Variants in HPN observed in about 807,000 individuals in gnomAD.
HPN encodes serine protease hepsin.
Under a neutral mutation model 55.9 loss-of-function variants are expected in HPN, and 13 were observed. The observed-to-expected ratio is 0.23, with a 90% CI of 0.15 to 0.37. HPN has a LOEUF of 0.37. Ranked by LOEUF, HPN falls within the 10% of genes least tolerant of loss-of-function variation. The pLI, the probability that HPN is intolerant of heterozygous loss-of-function variation, is 1.00. For missense variants in HPN, 451 were observed against 575.8 expected (o/e 0.78, Z 2.22); for synonymous variants, 225 against 240.3 (o/e 0.94, Z 0.59).
chr19:35,059,814 C>T lies in HPN; in HGVS notation c.290+12C>T, dbSNP rs1398267866. Reference sequence around the variant, plus strand: ...ATGGGCTTCCTCAGGTACTGGGGGCCCTCGGAGGGGTGGGAGCCGGGAGGG... The same window carrying T: ...ATGGGCTTCCTCAGGTACTGGGGGCTCTCGGAGGGGTGGGAGCCGGGAGGG... On this transcript the variant is annotated intron_variant, in intron 5 of 12. Coordinates refer to ENST00000672452, the MANE Select transcript of HPN (RefSeq NM_001384133.1). 6.4e-7 allele frequency: 1 copy of T among 1,552,244 alleles called. No homozygotes were observed. The highest frequency in any genetic ancestry group is 8.7e-7 in the Non-Finnish European group (1 of 1,147,584).
intron 4 of HPN, among the ~76,000 whole-genome samples, chr19:35,050,226 G>A (rs1373433477): frequency 2.0e-5 from 3 of 152,164 alleles, no homozygotes; most frequent in Non-Finnish European, 4.4e-5. Context: ...AGGTTCAAGC[G>A]ATTCTCCTGC....
intron 4 of HPN, among the ~76,000 whole-genome samples, chr19:35,055,440 C>CA (rs1309477950): frequency 2.6e-5 from 4 of 151,638 alleles, no homozygotes; most frequent in African/African-American, 4.8e-5. Flanking sequence ...AAGGAAAGGA[C>CA]AAAGAGGTTC....
At position 35,065,701 on chromosome 19, in the gene HPN, C is replaced by G; in HGVS notation, c.1050+20C>G. ...TGCCAGGTGAGGGACTCTGTAGGGG[C>G]AGCCCCCTGGTCGCTGCCACCCCAG... On this transcript the variant is annotated intron_variant, in intron 11 of 12. Coordinates refer to ENST00000672452, the MANE Select transcript of HPN (RefSeq NM_001384133.1). The G allele has an allele frequency of 6.2e-7, 1 of 1,613,488 alleles. No homozygotes were observed. The highest frequency in any genetic ancestry group is 1.1e-5 in the South Asian group (1 of 91,066).
chr19:35,046,233 C>T (rs564776413), intron 2 of HPN, among the ~76,000 whole-genome samples: 1 of 151,562 alleles, frequency 6.6e-6, no homozygotes, highest in African/African-American at 2.4e-5. Flanking sequence ...TTGATGGGAG[C>T]CACTGAGCTT....
Position 35,066,383 on chromosome 19 carries a change from C to T in HPN, c.*96C>T. 6.7e-7 allele frequency: 1 copy of T among 1,498,768 alleles called. No homozygotes were observed. Among genetic ancestry groups the T allele is most frequent in the Non-Finnish European group, 9.0e-7 (1 of 1,112,426 alleles). 92.8% of individuals were successfully genotyped at this position (1,498,768 alleles called of 1,614,324 possible). On this transcript the variant is annotated 3_prime_UTR_variant, in exon 13 of 13. Transcript: ENST00000672452. ...GGATGGGACGTTTTTCTTCTTGGGC[C>T]CGGTCCACAGGTCCAAGGACACCCT...
intron 4 of HPN, among the ~76,000 whole-genome samples, chr19:35,053,215 T>C (rs556918743): frequency 6.6e-6 from 1 of 152,224 alleles, no homozygotes; most frequent in East Asian, 1.9e-4. Flanking sequence ...TTTGATGTTC[T>C]CTCCCCACTC....
In HPN at chr19:35,053,681, G is replaced by T. The variant is rs1330968187; in HGVS notation, c.160+4165G>T. Among the ~76,000 whole-genome samples, 5 of 152,332 alleles carry T rather than the reference G, an allele frequency of 3.3e-5. No homozygotes were observed. The East Asian group carries it at 7.7e-4, about 24-fold the overall frequency. ...AATCGCTTGAACTCAGGAGGCAGAG[G>T]TTGCAGTGAGCTGAGATCGTGCCAC... On this transcript the variant is annotated intron_variant, in intron 4 of 12. Transcript: ENST00000672452.
At chr19:35,045,639 T>C (rs750492115) in intron 2 of HPN, among the ~76,000 whole-genome samples, 36 of 151,308 alleles carry the variant, frequency 2.4e-4, no homozygotes, top group Middle Eastern at 7.0e-3. Flanking sequence ...AAAGAATTGA[T>C]GTTGACGTGC....
chr19:35,050,618 A>T, intron 4 of HPN: 1 of 954,124 alleles, frequency 1.0e-6, no homozygotes, highest in Non-Finnish European at 1.4e-6. Context: ...CCCAAATGCC[A>T]ACTTCAAGCT....
intron 9 of HPN, among the ~76,000 whole-genome samples, chr19:35,062,011 T>C (rs2046577518): frequency 6.6e-6 from 1 of 151,182 alleles, no homozygotes; most frequent in South Asian, 2.1e-4. Context: ...TGGGCTAGGA[T>C]TGTGCCACTG....
At chr19:35,048,620 G>T (rs1181554109) in intron 2 of HPN, among the ~76,000 whole-genome samples, 1 of 152,092 alleles carries the variant, frequency 6.6e-6, no homozygotes, top group Non-Finnish European at 1.5e-5. Context: ...CTGGCCAGAC[G>T]CAGTGGCTCA....
rs376497653 is a variant in HPN, at chr19:35,042,821, C to T, written c.16+299C>T. ...GACTTGTCCTCTGCTGGGGCTGAGG[C>T]GGGGAAGCTGTAGCTGTCATGGTTA... On this transcript the variant is annotated intron_variant, in intron 2 of 12. Transcript: ENST00000672452. 9.1e-4 allele frequency among the ~76,000 whole-genome samples: 138 copies of T among 152,290 alleles called. 3 individuals are homozygous for T. The South Asian group carries it at 0.027, about 30-fold the overall frequency.
chr19:35,066,047 C>T lies in HPN; in HGVS notation c.1215+15C>T, dbSNP rs1474233866. On this transcript the variant is annotated intron_variant, in intron 12 of 12. Coordinates refer to ENST00000672452, the MANE Select transcript of HPN (RefSeq NM_001384133.1). ...AGGCCATAAAGGTGAAAGTTGGGTC[C>T]AGATGGGAGCCAGGGTGGGGACGTT... is the stretch of plus-strand genomic sequence containing the variant. 6.2e-7 allele frequency: 1 copy of T among 1,609,802 alleles called. No individual in the cohort carries two copies. Among genetic ancestry groups the T allele is most frequent in the Admixed American group, 1.7e-5 (1 of 60,022 alleles).
At chr19:35,059,295 TACAAA>T (rs112693522) in intron 4 of HPN, 9 of 361,270 alleles carry the variant, frequency 2.5e-5, no homozygotes, top group African/African-American at 1.3e-4. Flanking sequence ...GACCCGTCTC[TACAAA>T]ACAAAACAAA....
intron 1 of HPN, 182 bp downstream of exon 1, chr19:35,042,054 T>C (rs1345857556): frequency 1.8e-6 from 2 of 1,142,042 alleles, no homozygotes; most frequent in Non-Finnish European, 2.2e-6. Context: ...GACTCAGCCG[T>C]TGGACCCCAG....
intron 9 of HPN, among the ~76,000 whole-genome samples, chr19:35,062,065 A>AG (rs1190374795): frequency 6.6e-6 from 1 of 152,122 alleles, no homozygotes; most frequent in Non-Finnish European, 1.5e-5. Context: ...CTGTTAAAAA[A>AG]AGAAGAAAGA....
intron 4 of HPN, among the ~76,000 whole-genome samples, chr19:35,051,637 G>T (rs887179683): frequency 2.0e-5 from 3 of 151,828 alleles, no homozygotes; most frequent in Non-Finnish European, 4.4e-5. Context: ...TTGAACCCAG[G>T]CAGCCTGCGT....
intron 4 of HPN, chr19:35,059,433 G>T: frequency 1.5e-6 from 1 of 652,298 alleles, no homozygotes; most frequent in Non-Finnish European, 2.8e-6. Context: ...AGTGAGCCAA[G>T]ATCACACCAC....
Position 35,049,245 on chromosome 19 carries a change from A to G in HPN, c.17-45A>G, listed in dbSNP as rs780788863. 8 of 1,406,294 alleles carry G rather than the reference A, an allele frequency of 5.7e-6. No homozygotes were observed. The East Asian group carries it at 1.5e-4, about 26-fold the overall frequency. 87.1% of individuals were successfully genotyped at this position (1,406,294 alleles called of 1,614,324 possible). A position where few individuals can be genotyped will look rare whatever the true frequency, so the allele number is the denominator to read the frequency against. On this transcript the variant is annotated intron_variant, in intron 2 of 12. Coordinates refer to ENST00000672452, the MANE Select transcript of HPN (RefSeq NM_001384133.1). Reference sequence around the variant, plus strand: ...GGCCTCGGGCCCAGACCCTGCCGCAATGAGGACAGGCCTGGCTGTGGCCCC... The same window carrying G: ...GGCCTCGGGCCCAGACCCTGCCGCAGTGAGGACAGGCCTGGCTGTGGCCCC...
Sources: allele counts gnomAD v4.1 joint callset (sites outside exome capture counted in the v4.1 genomes callset), GRCh38; gene constraint gnomAD v4.1.1; transcripts MANE v1.5; gene names NCBI Gene and HGNC (gene_info 2026-07-23, HGNC 2026-07-21).